The following ZNF385A variants were observed in gnomAD, a reference collection of about 807,000 sequenced individuals.
ZNF385A encodes the protein zinc finger protein 385A.
Under a neutral mutation model 32.1 loss-of-function variants are expected in ZNF385A, and 14 were observed. The ratio of observed to expected loss-of-function variants is 0.44; its 90% CI spans 0.29 to 0.68. The LOEUF is 0.68. Ranked by LOEUF, ZNF385A falls within the 30% of genes least tolerant of loss-of-function variation. The pLI is 0.14. For synonymous variants in ZNF385A, 197 were observed against 202.7 expected, an observed-to-expected ratio of 0.97 and a Z score of 0.24; for missense variants, 406 against 478.4, an observed-to-expected ratio of 0.85 and a Z score of 1.41.
chr12:54,374,228 G>A, intron 2 of ZNF385A, 93 bp from the exon 3 acceptor site: 2 of 1,241,706 alleles, frequency 1.6e-6, no homozygotes, highest in South Asian at 5.2e-5. Flanking sequence ...GGTGATCTCA[G>A]CAGGCTGCAG....
At chr12:54,372,613 A>C (rs1954612679) in intron 3 of ZNF385A, among the ~76,000 whole-genome samples, 1 of 152,228 alleles carries the variant, frequency 6.6e-6, no homozygotes, top group African/African-American at 2.4e-5. Context: ...AAATGAGGTA[A>C]TATGTGTAAA....
At position 54,370,938 on chromosome 12, in the gene ZNF385A, G is replaced by A. The variant is rs373407771; in HGVS notation, c.763C>T (p.Gln255Ter). ...ICNVKVNSEV[Q>*]LKQHISSRRH... ...GGCCTTAGACCCACCTGTTTCAGTT[G>A]GACCTCCGAGTTGACCTTGACATTG... Residue 255 changes from glutamine to a stop codon, truncating the protein, a stop_gained, in exon 5 of 7, where the codon CAA becomes TAA. Transcript: ENST00000394313. LOFTEE classifies it high-confidence loss of function. The surrounding 1 kb of genome is among the most constrained non-coding windows in gnomAD (Gnocchi z 5.5). 6.2e-7 allele frequency: 1 copy of A among 1,614,190 alleles called. No homozygotes were observed. The highest frequency in any genetic ancestry group is 1.7e-5 in the Admixed American group (1 of 60,030).
At chr12:54,384,806 C>A, upstream of ZNF385A, 1 of 1,227,288 alleles carries the variant, frequency 8.1e-7, no homozygotes, top group South Asian at 3.7e-5. Context: ...CCTTTTCCAG[C>A]CTCCCTCCCC....
chr12:54,376,655 A>C (rs1954864262), intron 1 of ZNF385A, among the ~76,000 whole-genome samples: 1 of 152,148 alleles, frequency 6.6e-6, no homozygotes, highest in Admixed American at 6.5e-5. Context: ...CTCCCTGATC[A>C]TCAGGGTTTC....
At position 54,370,070 on chromosome 12, in the gene ZNF385A, T is replaced by C. The variant is rs1293327004; in HGVS notation, c.*186A>G. On this transcript the variant is annotated 3_prime_UTR_variant, in exon 7 of 7. Transcript: ENST00000394313. The surrounding 1 kb of genome is among the most constrained non-coding windows in gnomAD (Gnocchi z 5.5). Reference sequence around the variant, plus strand: ...GCGGGGTTCCCTGAGATCTGGGGTGTTCCCCCCCTTCTGAAGCCCCCCTCC... The same window carrying C: ...GCGGGGTTCCCTGAGATCTGGGGTGCTCCCCCCCTTCTGAAGCCCCCCTCC... 1 of 476,254 alleles carries C rather than the reference T, an allele frequency of 2.1e-6. No homozygotes were observed. The highest frequency in any genetic ancestry group is 3.9e-5 in the Admixed American group (1 of 25,864). 29.5% of individuals were successfully genotyped at this position (476,254 alleles called of 1,614,324 possible).
chr12:54,388,750 T>C (rs56901156), upstream of ZNF385A, among the ~76,000 whole-genome samples: 13,027 of 152,210 alleles, frequency 0.086, 1,576 homozygotes, highest in African/African-American at 0.27. Context: ...CCTTCAGGCC[T>C]TTTGGCCTTT....
intron 1 of ZNF385A, among the ~76,000 whole-genome samples, chr12:54,379,947 C>A (rs1337351013): frequency 1.3e-5 from 2 of 152,192 alleles, no homozygotes; most frequent in African/African-American, 4.8e-5. Context: ...CTGGGATTCC[C>A]AGTATTTCAT....
chr12:54,384,177 A>G (rs1486606341), intron 1 of ZNF385A, among the ~76,000 whole-genome samples: 2 of 152,218 alleles, frequency 1.3e-5, no homozygotes, highest in Non-Finnish European at 2.9e-5. Flanking sequence ...GTAGGACTAA[A>G]TGAGATAATT....
chr12:54,384,777 T>C (rs1955383550), upstream of ZNF385A: 2 of 1,243,094 alleles, frequency 1.6e-6, no homozygotes, highest in East Asian at 6.3e-5. Context: ...CCTTCCCTTC[T>C]GGGTGGTTTT....
chr12:54,370,575 C>T lies in ZNF385A; in HGVS notation c.870+51G>A, dbSNP rs778953050. On this transcript the variant is annotated intron_variant, in intron 6 of 6. Coordinates refer to ENST00000394313, the MANE Select transcript of ZNF385A (RefSeq NM_015481.3). The surrounding 1 kb of genome is among the most constrained non-coding windows in gnomAD (Gnocchi z 5.5). Reference sequence around the variant, plus strand: ...CTGGGCAAAGCCCGCGTCCCTCTCTCCTCCCCGCCCGCGCCCTCCCACTGC... The same window carrying T: ...CTGGGCAAAGCCCGCGTCCCTCTCTTCTCCCCGCCCGCGCCCTCCCACTGC... 7 of 1,557,012 alleles carry T rather than the reference C, an allele frequency of 4.5e-6. No homozygotes were observed. In the East Asian group the frequency reaches 1.4e-4, roughly 32 times the overall value.
upstream of ZNF385A, chr12:54,385,783 T>G: frequency 2.5e-6 from 1 of 401,452 alleles, no homozygotes; most frequent in African/African-American, 2.2e-5. Context: ...CCCCCTCCCT[T>G]GCCAGCCCCC....
In ZNF385A at chr12:54,370,904, C is replaced by G. The variant is rs1954511065; in HGVS notation, c.774+23G>C. 1 of 1,614,060 alleles carries G rather than the reference C, an allele frequency of 6.2e-7. No homozygotes were observed. Among genetic ancestry groups the G allele is most frequent in the East Asian group, 2.2e-5 (1 of 44,892 alleles). On this transcript the variant is annotated intron_variant, in intron 5 of 6. Transcript: ENST00000394313. The surrounding 1 kb of genome is among the most constrained non-coding windows in gnomAD (Gnocchi z 5.5). Reference sequence around the variant, plus strand: ...TTAGCGGGTGGAGCGTCCCAGAATTCCTGGGAAGGGCCTTAGACCCACCTG... The same window carrying G: ...TTAGCGGGTGGAGCGTCCCAGAATTGCTGGGAAGGGCCTTAGACCCACCTG...
chr12:54,384,451 C>A lies in ZNF385A; in HGVS notation c.64G>T (p.Gly22Cys). Reference sequence around the variant, plus strand: ...ACGGTGCTGTAGTTGCTGAAGAGGCCAAGGGTAGGGGCTGGCTCGAGTGGG... The same window carrying A: ...ACGGTGCTGTAGTTGCTGAAGAGGCAAAGGGTAGGGGCTGGCTCGAGTGGG... ...PFPLEPAPTL[G>C]LFSNYSTMDP... Residue 22 changes from glycine (G) to cysteine (C), a missense_variant, in exon 1 of 7, where the codon GGC becomes TGC. Transcript: ENST00000394313. 1 of 1,593,626 alleles carries A rather than the reference C, an allele frequency of 6.3e-7. No individual in the cohort carries two copies.
At chr12:54,374,939 T>A (rs527325714) in intron 2 of ZNF385A, among the ~76,000 whole-genome samples, 1 of 152,120 alleles carries the variant, frequency 6.6e-6, no homozygotes, top group South Asian at 2.1e-4. Context: ...ATACCCCTGC[T>A]AAGAATGTAC....
Position 54,373,979 on chromosome 12 carries a change from G to A in ZNF385A, c.355C>T (p.Arg119Cys), listed in dbSNP as rs1004929697. The A allele has an allele frequency of 1.0e-5, 16 of 1,525,134 alleles. No homozygotes were observed. The highest frequency in any genetic ancestry group is 1.4e-5 in the African/African-American group (1 of 72,056). The allele number at this position is 1,525,134 out of a possible 1,614,324, so 94.5% of individuals were successfully genotyped here. ...TGCGGGGATTCAGACACACCTGGAC[G>A]GGGTGCTACACCATCCCCATTTGTT... Reference protein sequence around the residue: ...TPTNGDGVAPRPVSMENGLGP... With the variant: ...TPTNGDGVAPCPVSMENGLGP... Residue 119 changes from arginine (R) to cysteine (C), a missense_variant, in exon 3 of 7, where the codon CGT (arginine) becomes TGT (cysteine). By Grantham distance (180) the Arg-to-Cys change is radical. Coordinates refer to ENST00000394313, the MANE Select transcript of ZNF385A (RefSeq NM_015481.3).
At chr12:54,380,082 G>A (rs1380495347) in intron 1 of ZNF385A, among the ~76,000 whole-genome samples, 1 of 152,218 alleles carries the variant, frequency 6.6e-6, no homozygotes, top group Non-Finnish European at 1.5e-5. Flanking sequence ...GGAAGCAGTG[G>A]AGTGAGTGGG....
At position 54,384,630 on chromosome 12, in the gene ZNF385A, G is replaced by A; in HGVS notation, c.-116C>T. The A allele has an allele frequency of 7.0e-7, 1 of 1,423,372 alleles. No homozygotes were observed. The highest frequency in any genetic ancestry group is 9.2e-7 in the Non-Finnish European group (1 of 1,092,178). The allele number at this position is 1,423,372 out of a possible 1,614,324, so 88.2% of individuals were successfully genotyped here. ...AAGCTTGGGAACCCCACCCAAGCCTGCCAGTCCCACTCCCTAGCCAGGGCC... is the reference window on the plus strand; with the variant it reads ...AAGCTTGGGAACCCCACCCAAGCCTACCAGTCCCACTCCCTAGCCAGGGCC... On this transcript the variant is annotated 5_prime_UTR_variant, in exon 1 of 7. Transcript: ENST00000394313.
chr12:54,386,586 C>T (rs1448573275), upstream of ZNF385A, among the ~76,000 whole-genome samples: 2 of 152,108 alleles, frequency 1.3e-5, no homozygotes, highest in Non-Finnish European at 2.9e-5. Flanking sequence ...CCTTAATGAG[C>T]CCCAGGCGGC....
At position 54,370,898 on chromosome 12, in the gene ZNF385A, AGAATTCCTGG is replaced by A. The variant is rs1470810233; in HGVS notation, c.774+19_774+28del. ...CCCCACTTAGCGGGTGGAGCGTCCC[AGAATTCCTGG>A]GAAGGGCCTTAGACCCACCTGTTTC... On this transcript the variant is annotated intron_variant, in intron 5 of 6. Transcript: ENST00000394313. The surrounding 1 kb of genome is among the most constrained non-coding windows in gnomAD (Gnocchi z 5.5). 4 of 1,614,122 alleles carry A rather than the reference AGAATTCCTGG, an allele frequency of 2.5e-6. No individual in the cohort carries two copies. The highest frequency in any genetic ancestry group is 3.4e-6 in the Non-Finnish European group (4 of 1,179,988).
Sources: gnomAD v4.1 joint callset for allele counts (sites outside exome capture counted in the v4.1 genomes callset) on GRCh38, gnomAD v4.1.1 for gene constraint, Gnocchi (gnomAD v3.1) non-coding constraint, MANE v1.5 for transcripts, NCBI Gene and HGNC (gene_info 2026-07-23, HGNC 2026-07-21) for gene names.